Variants in CACNA2D2 observed in about 807,000 individuals in gnomAD.
CACNA2D2 encodes voltage-dependent calcium channel subunit alpha-2/delta-2.
In CACNA2D2, 48 loss-of-function variants were observed where a neutral mutation model predicts 166.4. The observed-to-expected ratio is 0.29, with a 90% CI of 0.23 to 0.37. The LOEUF (loss-of-function observed/expected upper bound fraction) is 0.37. Among genes scored for constraint, CACNA2D2 ranks in the 10% least tolerant of loss-of-function variants. The probability of loss-of-function intolerance (pLI) is 1.00; values close to 1 mark genes in which losing one functional copy is unlikely to be tolerated. For synonymous variants in CACNA2D2, 561 were observed against 573.7 expected (o/e 0.98, Z 0.32); for missense variants, 1,122 against 1,433.0 (o/e 0.78, Z 3.50).
chr3:50,415,959 T>C (rs1257384615), intron 3 of CACNA2D2: 1 of 152,298 alleles, frequency 6.6e-6, no homozygotes, highest in African/African-American at 2.4e-5. Flanking sequence ...GTTTTCAACT[T>C]CTTACTGCCG....
At chr3:50,451,668 T>C (rs549043486) in intron 2 of CACNA2D2, among the ~76,000 whole-genome samples, 1 of 152,298 alleles carries the variant, frequency 6.6e-6, no homozygotes, top group East Asian at 1.9e-4. Context: ...TGTCTCCCAT[T>C]TCCTCAAACC....
At chr3:50,456,258 C>G (rs1423959126) in intron 2 of CACNA2D2, among the ~76,000 whole-genome samples, 1 of 152,176 alleles carries the variant, frequency 6.6e-6, no homozygotes, top group Non-Finnish European at 1.5e-5. Flanking sequence ...AGCACCTAGC[C>G]TGAGTTCTGG....
At chr3:50,473,248 A>G (rs937115969) in intron 2 of CACNA2D2, among the ~76,000 whole-genome samples, 5 of 152,204 alleles carry the variant, frequency 3.3e-5, no homozygotes, top group African/African-American at 1.2e-4. Context: ...CCATGCCCTC[A>G]TGGGGGTTAT....
chr3:50,437,337 C>T (rs1288333351), intron 2 of CACNA2D2, among the ~76,000 whole-genome samples: 1 of 152,224 alleles, frequency 6.6e-6, no homozygotes, highest in East Asian at 1.9e-4. Context: ...CCTGCATCCC[C>T]TCCACCTTGC....
At position 50,379,136 on chromosome 3, in the gene CACNA2D2, G is replaced by A; in HGVS notation, c.1216C>T (p.Arg406Cys). 2 of 1,613,916 alleles carry A rather than the reference G, an allele frequency of 1.2e-6. No individual in the cohort carries two copies. The highest frequency in any genetic ancestry group is 8.5e-7 in the Non-Finnish European group (1 of 1,179,986). Residue 406 changes from arginine to cysteine, a missense_variant, in exon 12 of 38, where the codon CGC (arginine) becomes TGC (cysteine). Around this residue, in one of 2 missense-constraint regions of CACNA2D2, gnomAD observed 840 missense variants for 1,166.8 expected, o/e 0.72. Coordinates refer to ENST00000424201, the MANE Select transcript of CACNA2D2 (RefSeq NM_006030.4). This position sits in a 1 kb window ranked among gnomAD's most constrained non-coding sequence, Gnocchi z 6.5. ...TACTTCTCAAAGACGTCCTGCACGC[G>A]GTCCTCACCACCATCCGTGAACATC... ...IMMFTDGGED[R>C]VQDVFEKYNW...
chr3:50,419,543 C>T (rs1286266573), intron 3 of CACNA2D2, among the ~76,000 whole-genome samples: 1 of 152,222 alleles, frequency 6.6e-6, no homozygotes, highest in Non-Finnish European at 1.5e-5. Context: ...CCTTCCCATC[C>T]TATGACCATT....
Position 50,376,078 on chromosome 3 carries a change from G to A in CACNA2D2, c.1701+36C>T, listed in dbSNP as rs761246292. ...GAAGTCAGAAGTCCCCATTGTGGAA[G>A]GTTTGCCCACCCTCCAGGCCACCCG... is the stretch of plus-strand genomic sequence containing the variant. On this transcript the variant is annotated intron_variant, in intron 18 of 37. Transcript: ENST00000424201. This position sits in a 1 kb window ranked among gnomAD's most constrained non-coding sequence, Gnocchi z 4.3. 2.2e-5 allele frequency: 36 copies of A among 1,613,214 alleles called. No individual in the cohort carries two copies. The highest frequency in any genetic ancestry group is 2.9e-5 in the Non-Finnish European group (34 of 1,180,012).
At chr3:50,433,521 T>C (rs60391761) in intron 3 of CACNA2D2, among the ~76,000 whole-genome samples, 14,390 of 152,180 alleles carry the variant, frequency 0.095, 1,978 homozygotes, top group African/African-American at 0.3. Flanking sequence ...TGCCCAGCTT[T>C]GCTCCTTTTT....
chr3:50,363,655 A>C lies in CACNA2D2; in HGVS notation c.*1011T>G. 1 of 179,728 alleles carries C rather than the reference A, an allele frequency of 5.6e-6. No individual in the cohort carries two copies. The highest frequency in any genetic ancestry group is 1.2e-5 in the Non-Finnish European group (1 of 86,914). The allele number at this position is 179,728 out of a possible 1,614,324, so 11.1% of individuals were successfully genotyped here. ...GTCACCCCTGCTAAGGCAAAGGGTG[A>C]TGTCTGGTGGGGGTTCCTCTGCCGA... On this transcript the variant is annotated 3_prime_UTR_variant, in exon 38 of 38. Transcript: ENST00000424201.
At position 50,364,790 on chromosome 3, in the gene CACNA2D2, C is replaced by G. The variant is rs1231072664; in HGVS notation, c.3308G>C (p.Cys1103Ser). 1 of 1,607,734 alleles carries G rather than the reference C, an allele frequency of 6.2e-7. No individual in the cohort carries two copies. Among genetic ancestry groups the G allele is most frequent in the Admixed American group, 1.7e-5 (1 of 59,400 alleles). ...DYNATEDTSD[C>S]GRGASFPPSL... ...CGGCGGGAAGGAGGCCCCGCGGCCA[C>G]AGTCTGAGGTATCTTCCTGCGGGGA... Residue 1103 changes from cysteine (C) to serine (S), a missense_variant, in exon 38 of 38, where the codon TGT (cysteine) becomes TCT (serine). By Grantham distance (112) the Cys-to-Ser change is moderately radical. Coordinates refer to ENST00000424201, the MANE Select transcript of CACNA2D2 (RefSeq NM_006030.4).
intron 1 of CACNA2D2, among the ~76,000 whole-genome samples, chr3:50,500,563 G>A (rs536833826): frequency 7.2e-5 from 11 of 152,314 alleles, no homozygotes; most frequent in South Asian, 2.1e-4. Context: ...CTCAGCCGGC[G>A]GTGGTGGCCT....
chr3:50,437,410 A>C (rs1559947498), intron 2 of CACNA2D2, among the ~76,000 whole-genome samples: 1 of 152,156 alleles, frequency 6.6e-6, no homozygotes. Context: ...GTTTCTGCTG[A>C]GAGGAGAGCA....
intron 2 of CACNA2D2, among the ~76,000 whole-genome samples, chr3:50,455,230 G>A (rs1346392332): frequency 2.0e-5 from 3 of 152,204 alleles, no homozygotes; most frequent in African/African-American, 4.8e-5. Context: ...TCGCCCATGC[G>A]GACAAGCACC....
In CACNA2D2 at chr3:50,422,761, A is replaced by G. The variant is rs148725581; in HGVS notation, c.405+11552T>C. On this transcript the variant is annotated intron_variant, in intron 3 of 37. Coordinates refer to ENST00000424201, the MANE Select transcript of CACNA2D2 (RefSeq NM_006030.4). ...CTGATGGGTCAGTGCTGTAGCTGCA[A>G]TCTCGCCTGGCGCTTCTCCCTCTTC... Among the ~76,000 whole-genome samples the G allele has an allele frequency of 7.2e-5, 11 of 152,320 alleles. No individual in the cohort carries two copies. In the South Asian group the frequency reaches 2.1e-3, roughly 29 times the overall value.
At chr3:50,429,441 G>C (rs76814790) in intron 3 of CACNA2D2, among the ~76,000 whole-genome samples, 5 of 151,620 alleles carry the variant, frequency 3.3e-5, no homozygotes, top group South Asian at 2.1e-4. Flanking sequence ...TAAAGATTTC[G>C]ACCATTTTCT....
chr3:50,372,416 C>T (rs587772104), intron 22 of CACNA2D2, among the ~76,000 whole-genome samples: 15 of 152,354 alleles, frequency 9.8e-5, no homozygotes, highest in African/African-American at 3.1e-4. Flanking sequence ...CGGCAGGACA[C>T]GGGGACATCA....
chr3:50,488,493 T>C (rs545920473), intron 1 of CACNA2D2, among the ~76,000 whole-genome samples: 2 of 152,144 alleles, frequency 1.3e-5, no homozygotes, highest in Non-Finnish European at 2.9e-5. Context: ...TCTTGCAATC[T>C]TGACCCCAGG....
At chr3:50,404,833 T>G (rs1424930609) in intron 3 of CACNA2D2, among the ~76,000 whole-genome samples, 1 of 152,184 alleles carries the variant, frequency 6.6e-6, no homozygotes, top group African/African-American at 2.4e-5. Flanking sequence ...CCCACTGCCC[T>G]GAGCAGAGAA....
chr3:50,427,916 C>T lies in CACNA2D2; in HGVS notation c.405+6397G>A, dbSNP rs979393915. Among the ~76,000 whole-genome samples, 2 of 152,166 alleles carry T rather than the reference C, an allele frequency of 1.3e-5. No homozygotes were observed. Among genetic ancestry groups the T allele is most frequent in the African/African-American group, 2.4e-5 (1 of 41,422 alleles). ...CACCCGTGGACTCAGCTGAACTGGC[C>T]TCCAGCTGCCTCAGTGCCAAACTTT... On this transcript the variant is annotated intron_variant, in intron 3 of 37. Transcript: ENST00000424201. This position sits in a 1 kb window ranked among gnomAD's most constrained non-coding sequence, Gnocchi z 4.7.
Sources: gnomAD v4.1 joint callset for allele counts (sites outside exome capture counted in the v4.1 genomes callset) on GRCh38, gnomAD v4.1.1 for gene constraint, gnomAD v4.1.1 regional missense constraint, Gnocchi (gnomAD v3.1) non-coding constraint, MANE v1.5 for transcripts, NCBI Gene and HGNC (gene_info 2026-07-23, HGNC 2026-07-21) for gene names.